SORD: variants seen among roughly 807,000 people sequenced by gnomAD.
SORD encodes the protein (R,R)-butanediol dehydrogenase.
Under a neutral mutation model 35.6 loss-of-function variants are expected in SORD, and 18 were observed. The ratio of observed to expected loss-of-function variants is 0.51; its 90% CI spans 0.35 to 0.75. The LOEUF is 0.75. Ranked by LOEUF, SORD falls within the 30% of genes least tolerant of loss-of-function variation. The probability of loss-of-function intolerance (pLI) is 0.01; values close to 1 mark genes in which losing one functional copy is unlikely to be tolerated. For missense variants in SORD, 250 were observed against 390.2 expected, an observed-to-expected ratio of 0.64 and a Z score of 3.03; for synonymous variants, 106 against 152.9, an observed-to-expected ratio of 0.69 and a Z score of 2.26.
intron 3 of SORD, among the ~76,000 whole-genome samples, chr15:45,059,723 A>G (rs565227745): frequency 1.3e-5 from 2 of 152,316 alleles, no homozygotes; most frequent in Non-Finnish European, 2.9e-5. Context: ...CCTGGGTTCA[A>G]GTGATCCTCC....
chr15:45,044,065 T>C (rs1393961370), intron 3 of SORD, among the ~76,000 whole-genome samples: 1 of 152,252 alleles, frequency 6.6e-6, no homozygotes, highest in Non-Finnish European at 1.5e-5. Context: ...CCATCCTGTG[T>C]TAGTTATAAA....
intron 3 of SORD, among the ~76,000 whole-genome samples, chr15:45,051,032 C>A (rs1055205104): frequency 2.0e-5 from 3 of 152,198 alleles, no homozygotes; most frequent in Admixed American, 2.0e-4. Context: ...ATGTCACAAT[C>A]TCCAAGGTTA....
chr15:45,031,382 C>T (rs890938118), intron 1 of SORD, among the ~76,000 whole-genome samples: 24 of 151,892 alleles, frequency 1.6e-4, no homozygotes, highest in African/African-American at 4.8e-4. Flanking sequence ...GAGACCAGCA[C>T]GCTGACTGAT....
intron 3 of SORD, among the ~76,000 whole-genome samples, chr15:45,050,333 A>G (rs1893105774): frequency 6.6e-6 from 1 of 152,278 alleles, no homozygotes; most frequent in Middle Eastern, 3.4e-3. Context: ...CACCTGCCTT[A>G]GCCTCCCAAA....
rs1305947349 is a variant in SORD at position 45,074,050 on chromosome 15, A to C, written c.*520A>C. 1 of 123,390 alleles carries C rather than the reference A, an allele frequency of 8.1e-6. No individual in the cohort carries two copies. Among genetic ancestry groups the C allele is most frequent in the East Asian group, 2.2e-4 (1 of 4,486 alleles). 7.6% of individuals were successfully genotyped at this position (123,390 alleles called of 1,614,324 possible). ...ATATTGGCTGTTTGTTTTGATGATA[A>C]AAGGAGAATAAGAAAAGGCATCACT... On this transcript the variant is annotated 3_prime_UTR_variant, in exon 9 of 9. Transcript: ENST00000267814.
At chr15:45,052,831 C>T (rs905410070) in intron 3 of SORD, among the ~76,000 whole-genome samples, 14 of 152,052 alleles carry the variant, frequency 9.2e-5, no homozygotes, top group South Asian at 8.3e-4. Context: ...GCAGGCTGAG[C>T]GATATGATAA....
intron 1 of SORD, among the ~76,000 whole-genome samples, chr15:45,038,377 G>A (rs1233153654): frequency 1.3e-5 from 2 of 152,068 alleles, no homozygotes. Context: ...GTTTTTCCGA[G>A]TATTAAATGA....
At chr15:45,069,236 T>G (rs995596555) in intron 7 of SORD, among the ~76,000 whole-genome samples, 184 bp downstream of exon 7, 9 of 129,794 alleles carry the variant, frequency 6.9e-5, no homozygotes, top group Admixed American at 1.6e-4. Context: ...AGACAGAGTC[T>G]CACTCAGTCG....
At chr15:45,034,229 G>A (rs1332166904) in intron 1 of SORD, among the ~76,000 whole-genome samples, 6 of 151,992 alleles carry the variant, frequency 3.9e-5, no homozygotes, top group Admixed American at 3.3e-4. Flanking sequence ...GGCACACAGG[G>A]GTTACATAAC....
chr15:45,042,411 GA>G (rs1892981281), intron 2 of SORD: 1 of 152,152 alleles, frequency 6.6e-6, no homozygotes, highest in African/African-American at 2.4e-5. Context: ...AGAATTGGTT[GA>G]ACCGGGGAGG....
At chr15:45,069,591 G>A (rs1476840377) in intron 7 of SORD, among the ~76,000 whole-genome samples, 1 of 151,924 alleles carries the variant, frequency 6.6e-6, no homozygotes, top group Non-Finnish European at 1.5e-5. Context: ...AGCTATACAC[G>A]GGCCTTGAAA....
At chr15:45,030,517 T>C (rs1042086302) in intron 1 of SORD, among the ~76,000 whole-genome samples, 5 of 152,320 alleles carry the variant, frequency 3.3e-5, no homozygotes, top group South Asian at 2.1e-4. Flanking sequence ...AATATTCAAC[T>C]CAACAATTTT....
chr15:45,026,187 A>T (rs1385608499), intron 1 of SORD, among the ~76,000 whole-genome samples: 1 of 152,154 alleles, frequency 6.6e-6, no homozygotes, highest in Non-Finnish European at 1.5e-5. Context: ...GTGTGGTATC[A>T]CTGCTCCTCC....
chr15:45,056,137 C>T (rs1893210970), intron 3 of SORD, among the ~76,000 whole-genome samples: 1 of 149,670 alleles, frequency 6.7e-6, no homozygotes, highest in South Asian at 2.1e-4. Context: ...AAGTTCTGGC[C>T]AGGGCAATTA....
At chr15:45,039,020 T>A (rs1292785511) in intron 1 of SORD, among the ~76,000 whole-genome samples, 3 of 152,244 alleles carry the variant, frequency 2.0e-5, no homozygotes, top group Non-Finnish European at 4.4e-5. Flanking sequence ...CCAAGTTATT[T>A]AACTTCGCAG....
intron 1 of SORD, among the ~76,000 whole-genome samples, chr15:45,029,174 ATGTTT>A (rs1211137944): frequency 6.6e-6 from 1 of 152,276 alleles, no homozygotes; most frequent in Non-Finnish European, 1.5e-5. Flanking sequence ...TATCTTAATT[ATGTTT>A]TAACAACAAA....
At chr15:45,037,807 G>C in intron 1 of SORD, among the ~76,000 whole-genome samples, 1 of 151,976 alleles carries the variant, frequency 6.6e-6, no homozygotes, top group East Asian at 1.9e-4. Context: ...GTCAGGGGGT[G>C]GGGGACAAGG....
chr15:45,065,189 A>C, intron 4 of SORD, 82 bp from the exon 5 acceptor site: 1 of 1,255,928 alleles, frequency 8.0e-7, no homozygotes, highest in South Asian at 1.4e-5. Flanking sequence ...GGTTGTTATT[A>C]CAGTGACATT....
intron 1 of SORD, among the ~76,000 whole-genome samples, chr15:45,031,340 C>CA (rs147542286): frequency 0.21 from 31,308 of 149,236 alleles, 5 homozygotes; most frequent in African/African-American, 0.45. Flanking sequence ...AAAAAAAAAA[C>CA]AACAGGGAAT....
Sources: allele counts gnomAD v4.1 joint callset (sites outside exome capture counted in the v4.1 genomes callset), GRCh38; gene constraint gnomAD v4.1.1; transcripts MANE v1.5; gene names NCBI Gene and HGNC (gene_info 2026-07-23, HGNC 2026-07-21).